Variants in SGCD observed in about 807,000 individuals in gnomAD.
SGCD encodes the protein delta-sarcoglycan.
In SGCD, 18 loss-of-function variants were observed where a neutral mutation model predicts 36.6. The ratio of observed to expected loss-of-function variants is 0.49; its 90% CI spans 0.34 to 0.73. The LOEUF is 0.73. Among genes scored for constraint, SGCD ranks in the 30% least tolerant of loss-of-function variants. The pLI, the probability that SGCD is intolerant of heterozygous loss-of-function variation, is 0.01. For missense variants in SGCD, 387 were observed against 346.7 expected, an observed-to-expected ratio of 1.12 and a Z score of -0.92; for synonymous variants, 133 against 130.6, an observed-to-expected ratio of 1.02 and a Z score of -0.12.
At chr5:156,303,409 T>G (rs1006321757) in intron 3 of SGCD, among the ~76,000 whole-genome samples, 2 of 151,916 alleles carry the variant, frequency 1.3e-5, no homozygotes, top group Non-Finnish European at 1.5e-5. Context: ...GTTCCAGAAA[T>G]GCCATTCAGG....
At chr5:156,464,707 T>A (rs1211515329) in intron 3 of SGCD, among the ~76,000 whole-genome samples, 1 of 152,142 alleles carries the variant, frequency 6.6e-6, no homozygotes, top group Non-Finnish European at 1.5e-5. Context: ...GTACTTTAAC[T>A]TCCTCTTCAT....
Position 156,508,585 on chromosome 5 carries a change from C to A in SGCD, c.193-16C>A. The A allele has an allele frequency of 6.6e-7, 1 of 1,521,836 alleles. No homozygotes were observed. Among genetic ancestry groups the A allele is most frequent in the South Asian group, 1.1e-5 (1 of 88,834 alleles). The allele number at this position is 1,521,836 out of a possible 1,614,324, so 94.3% of individuals were successfully genotyped here. A position where few individuals can be genotyped will look rare whatever the true frequency, so the allele number is the denominator to read the frequency against. On this transcript the variant is annotated splice_polypyrimidine_tract_variant and intron_variant, in intron 3 of 8. Coordinates refer to ENST00000337851, the MANE Select transcript of SGCD (RefSeq NM_000337.6). ...GCTAATCATATCTTCCTTGTTATCTCTGTGTTCTATTTCAGGATGGAATGG... is the reference window on the plus strand; with the variant it reads ...GCTAATCATATCTTCCTTGTTATCTATGTGTTCTATTTCAGGATGGAATGG...
At chr5:156,610,226 G>T (rs953723318) in intron 6 of SGCD, among the ~76,000 whole-genome samples, 1 of 152,100 alleles carries the variant, frequency 6.6e-6, no homozygotes, top group African/African-American at 2.4e-5. Flanking sequence ...GTTTTGGTGT[G>T]GATGTCCTTT....
the SGCD span, among the ~76,000 whole-genome samples, chr5:155,801,451 A>G: frequency 6.6e-6 from 1 of 152,242 alleles, no homozygotes; most frequent in South Asian, 2.1e-4. Context: ...GGTTTTATAG[A>G]TCTGCAATTA....
the SGCD span, among the ~76,000 whole-genome samples, chr5:155,744,467 A>G: frequency 8.6e-5 from 13 of 151,376 alleles, no homozygotes; most frequent in Non-Finnish European, 1.2e-4. Flanking sequence ...CTCAAATAAA[A>G]TAAAATAAAA....
chr5:156,570,307 G>T (rs1759667057), intron 4 of SGCD, among the ~76,000 whole-genome samples: 1 of 137,022 alleles, frequency 7.3e-6, no homozygotes, highest in South Asian at 2.4e-4. Flanking sequence ...CAATTTCTTG[G>T]GTGCAGAGCT....
At chr5:156,230,185 A>G (rs1400266345) in intron 3 of SGCD, among the ~76,000 whole-genome samples, 1 of 151,970 alleles carries the variant, frequency 6.6e-6, no homozygotes, top group African/African-American at 2.4e-5. Context: ...GGAGTAAATC[A>G]GGGGTTTCTT....
intron 3 of SGCD, among the ~76,000 whole-genome samples, chr5:156,405,985 A>T (rs1286247694): frequency 7.0e-6 from 1 of 142,264 alleles, no homozygotes; most frequent in Non-Finnish European, 1.5e-5. Flanking sequence ...CTGTGTGTAG[A>T]TATCACCTGC....
At chr5:155,854,576 A>T in the SGCD span, among the ~76,000 whole-genome samples, 1 of 152,180 alleles carries the variant, frequency 6.6e-6, no homozygotes, top group Non-Finnish European at 1.5e-5. Flanking sequence ...AACTTGTTGG[A>T]CCAAATGTTT....
chr5:155,867,507 A>G (rs961133074), upstream of SGCD, among the ~76,000 whole-genome samples: 5 of 152,190 alleles, frequency 3.3e-5, no homozygotes, highest in African/African-American at 1.2e-4. Context: ...TCTAAAAACA[A>G]TTCACATGTG....
intron 6 of SGCD, among the ~76,000 whole-genome samples, chr5:156,607,659 G>T (rs149784931): frequency 0.016 from 2,479 of 152,132 alleles, 70 homozygotes; most frequent in African/African-American, 0.057. Context: ...GAATTGGGCT[G>T]TGAATCCATC....
At chr5:156,606,220 G>A (rs1423232802) in intron 6 of SGCD, among the ~76,000 whole-genome samples, 1 of 152,090 alleles carries the variant, frequency 6.6e-6, no homozygotes, top group Non-Finnish European at 1.5e-5. Context: ...ATTAATTTTT[G>A]TATAAGGTCT....
chr5:155,817,909 A>G, the SGCD span, among the ~76,000 whole-genome samples: 2,028 of 152,340 alleles, frequency 0.013, 57 homozygotes, highest in African/African-American at 0.045. Flanking sequence ...AAAATAGTCT[A>G]TGGCTGAGTT....
chr5:156,439,485 C>A (rs1164543324), intron 3 of SGCD, among the ~76,000 whole-genome samples: 1 of 151,948 alleles, frequency 6.6e-6, no homozygotes, highest in Non-Finnish European at 1.5e-5. Flanking sequence ...AATTATTGCC[C>A]CCCTCAGGAG....
rs111971253 is a variant in SGCD at position 156,581,356 on chromosome 5, A to C, written c.295-7875A>C. ...TGGCCCCTACTGGGAGGTGTCTCCC[A>C]GTTAGGCTACATGGGGTTCAGGGGC... On this transcript the variant is annotated intron_variant, in intron 4 of 8. Coordinates refer to ENST00000337851, the MANE Select transcript of SGCD (RefSeq NM_000337.6). 2.6e-3 allele frequency among the ~76,000 whole-genome samples: 391 copies of C among 152,310 alleles called. 2 individuals carry two copies. Among genetic ancestry groups the C allele is most frequent in the African/African-American group, 8.9e-3 (368 of 41,572 alleles).
At chr5:156,592,859 A>C (rs1240208883) in intron 5 of SGCD, among the ~76,000 whole-genome samples, 1 of 152,140 alleles carries the variant, frequency 6.6e-6, no homozygotes, top group Non-Finnish European at 1.5e-5. Context: ...GTGTGGACAC[A>C]CTGGCAAGGG....
At chr5:155,920,252 G>A (rs1363575833) in intron 1 of SGCD, among the ~76,000 whole-genome samples, 1 of 152,170 alleles carries the variant, frequency 6.6e-6, no homozygotes, top group Non-Finnish European at 1.5e-5. Flanking sequence ...TAATCTGTAA[G>A]CTATTTAGGA....
chr5:155,845,703 A>ACTT, the SGCD span, among the ~76,000 whole-genome samples: 23 of 152,116 alleles, frequency 1.5e-4, no homozygotes, highest in Non-Finnish European at 3.2e-4. Flanking sequence ...AAGGTGGGAG[A>ACTT]CTTTTAGGAA....
At chr5:156,191,549 G>A (rs1450134116) in intron 3 of SGCD, among the ~76,000 whole-genome samples, 1 of 135,474 alleles carries the variant, frequency 7.4e-6, no homozygotes, top group African/African-American at 2.9e-5. Flanking sequence ...TGTTTTGCAT[G>A]TCTAGTTCTT....
Sources: gnomAD v4.1 joint callset for allele counts (sites outside exome capture counted in the v4.1 genomes callset) on GRCh38, gnomAD v4.1.1 for gene constraint, MANE v1.5 for transcripts, NCBI Gene and HGNC (gene_info 2026-07-23, HGNC 2026-07-21) for gene names.